The following ASH1L variants were observed in gnomAD, a reference collection of about 807,000 sequenced individuals.
ASH1L encodes the protein histone-lysine N-methyltransferase ASH1L.
A neutral mutation model predicts 269.0 loss-of-function variants in ASH1L; 23 were observed. The observed-to-expected ratio is 0.09, with a 90% confidence interval of 0.06 to 0.12. The LOEUF (loss-of-function observed/expected upper bound fraction) is 0.12. ASH1L is among the 10% of genes least tolerant of loss of function. The pLI, the probability that ASH1L is intolerant of heterozygous loss-of-function variation, is 1.00. For synonymous variants in ASH1L, 1,187 were observed against 1,253.5 expected, an observed-to-expected ratio of 0.95 and a Z score of 1.12; for missense variants, 2,912 against 3,567.8, an observed-to-expected ratio of 0.82 and a Z score of 4.68.
chr1:155,494,932 AAGAGAGAG>A (rs139398189), intron 2 of ASH1L, among the ~76,000 whole-genome samples: 8 of 149,470 alleles, frequency 5.4e-5, no homozygotes, highest in South Asian at 2.1e-4. Context: ...AATAAGGAAA[AAGAGAGAG>A]AGAGAGAGAG....
rs1336130226 is a variant in ASH1L at position 155,354,522 on chromosome 1, T to C, written c.7164A>G (p.Leu2388=). 2 of 1,613,844 alleles carry C rather than the reference T, an allele frequency of 1.2e-6. No individual in the cohort carries two copies. The highest frequency in any genetic ancestry group is 4.5e-5 in the East Asian group (2 of 44,898). ...GGCAGATCCCATTCCAACGGGTATA[T>C]AATGATGCTGAGTGAATATTATCAC... is the stretch of plus-strand genomic sequence containing the variant. ...HTSDNIHSAS[L]YTRWNGICRD... is the part of the protein sequence containing the mutation. The change falls in exon 16 of 28, where the codon TTA becomes TTG. Residue 2388 remains leucine (L), a synonymous_variant. Coordinates refer to ENST00000392403, the MANE Select transcript of ASH1L (RefSeq NM_018489.3).
intron 3 of ASH1L, among the ~76,000 whole-genome samples, chr1:155,471,195 CA>C (rs969036457): frequency 2.0e-5 from 3 of 152,118 alleles, no homozygotes; most frequent in Non-Finnish European, 2.9e-5. Context: ...GAACAATTAA[CA>C]AAAGAATTTA....
At chr1:155,453,892 G>A (rs565348493) in intron 4 of ASH1L, among the ~76,000 whole-genome samples, 2 of 152,276 alleles carry the variant, frequency 1.3e-5, no homozygotes, top group Admixed American at 1.3e-4. Flanking sequence ...CACGAGGTCA[G>A]GAGATCCAGA....
At chr1:155,525,313 T>A (rs776988476) in intron 1 of ASH1L, among the ~76,000 whole-genome samples, 30 of 152,022 alleles carry the variant, frequency 2.0e-4, no homozygotes, top group Non-Finnish European at 2.9e-5. Flanking sequence ...ATCTTCTCCA[T>A]GATGGGCTCA....
In ASH1L at chr1:155,420,363, C is replaced by CAA. The variant is rs781669260; in HGVS notation, c.5829-4442_5829-4441dup. On this transcript the variant is annotated intron_variant, in intron 5 of 27. Coordinates refer to ENST00000392403, the MANE Select transcript of ASH1L (RefSeq NM_018489.3). ...TGGGCAACAGAATGAGACTCCATCT[C>CAA]AAAAAAAAAAAAAAACAAAAACAAA... Among the ~76,000 whole-genome samples the CAA allele has an allele frequency of 3.5e-3, 160 of 45,202 alleles. 1 individual carries two copies. Among genetic ancestry groups the CAA allele is most frequent in the African/African-American group, 9.1e-3 (113 of 12,352 alleles). 29.7% of individuals were successfully genotyped at this position (45,202 alleles called of 152,430 possible).
chr1:155,439,937 C>T (rs930089625), intron 4 of ASH1L, among the ~76,000 whole-genome samples: 4 of 151,074 alleles, frequency 2.6e-5, no homozygotes, highest in African/African-American at 9.7e-5. Flanking sequence ...TATCCAATAG[C>T]CTTGTCTAAA....
chr1:155,363,445 T>C (rs533332151), intron 12 of ASH1L, among the ~76,000 whole-genome samples: 24 of 151,074 alleles, frequency 1.6e-4, no homozygotes, highest in African/African-American at 4.6e-4. Context: ...GGTTTAGCCA[T>C]GTTGCCCAGG....
intron 7 of ASH1L, among the ~76,000 whole-genome samples, chr1:155,393,292 A>G (rs1658095523): frequency 6.6e-6 from 1 of 151,914 alleles, no homozygotes. Flanking sequence ...TGATTAAAAA[A>G]CTCTGCTGGT....
intron 25 of ASH1L, among the ~76,000 whole-genome samples, chr1:155,340,579 A>G (rs1348507091): frequency 6.6e-6 from 1 of 152,144 alleles, no homozygotes; most frequent in Non-Finnish European, 1.5e-5. Flanking sequence ...CCAGGGTTTT[A>G]TTAGAGCAAA....
chr1:155,339,214 GCAGAGAATACCCAGT>G (rs1274993921), intron 26 of ASH1L, 99 bp downstream of exon 26: 2 of 932,156 alleles, frequency 2.1e-6, no homozygotes, highest in Non-Finnish European at 1.7e-6. Context: ...GGGCTACTCT[GCAGAGAATACCCAGT>G]CCTAGAAGTG....
chr1:155,370,574 T>C lies in ASH1L; in HGVS notation c.6616A>G (p.Ser2206Gly), dbSNP rs1655855203. ...CGGGCCTCATTTCCCATGCGGTAAC[T>C]GTCAATCACCATCCCACTATCCAGG... Reference protein sequence around the residue: ...LNLDSGMVIDSYRMGNEARFI... With the variant: ...LNLDSGMVIDGYRMGNEARFI... Residue 2206 changes from serine (S) to glycine (G), a missense_variant, in exon 12 of 28, where the codon AGT becomes GGT. By Grantham distance (56) the Ser-to-Gly change is moderately conservative (BLOSUM62 0). Transcript: ENST00000392403. The C allele has an allele frequency of 6.2e-7, 1 of 1,614,098 alleles. No homozygotes were observed. The highest frequency in any genetic ancestry group is 8.5e-7 in the Non-Finnish European group (1 of 1,180,058).
At chr1:155,454,261 C>T (rs1159529412) in intron 4 of ASH1L, among the ~76,000 whole-genome samples, 2 of 152,062 alleles carry the variant, frequency 1.3e-5, no homozygotes, top group East Asian at 1.9e-4. Context: ...TATGTAACTT[C>T]CACAAGGTTA....
chr1:155,486,630 G>A (rs1666345327), intron 2 of ASH1L, among the ~76,000 whole-genome samples: 1 of 152,046 alleles, frequency 6.6e-6, no homozygotes, highest in African/African-American at 2.4e-5. Flanking sequence ...CTGCATGCCT[G>A]TATCAAAACA....
At chr1:155,502,517 T>C (rs1383217580) in intron 2 of ASH1L, among the ~76,000 whole-genome samples, 1 of 152,228 alleles carries the variant, frequency 6.6e-6, no homozygotes, top group African/African-American at 2.4e-5. Flanking sequence ...GAACTGTTTT[T>C]AAAGCATTTT....
At chr1:155,367,457 T>C (rs1655536318) in intron 12 of ASH1L, among the ~76,000 whole-genome samples, 1 of 152,222 alleles carries the variant, frequency 6.6e-6, no homozygotes, top group Non-Finnish European at 1.5e-5. Flanking sequence ...CTGCGAATAA[T>C]GGTAGTTAAA....
chr1:155,336,503 G>C lies in ASH1L; in HGVS notation c.*1157C>G, dbSNP rs1368196411. 1 of 152,206 alleles carries C rather than the reference G, an allele frequency of 6.6e-6. No homozygotes were observed. The highest frequency in any genetic ancestry group is 2.4e-5 in the African/African-American group (1 of 41,242). The allele number at this position is 152,206 out of a possible 1,614,324, so 9.4% of individuals were successfully genotyped here. ...TATGTATGTCTGAAAAGACAACAAA[G>C]CTTTTTAAATTTTATTTTTAAAGAG... On this transcript the variant is annotated 3_prime_UTR_variant, in exon 28 of 28. Coordinates refer to ENST00000392403, the MANE Select transcript of ASH1L (RefSeq NM_018489.3).
At chr1:155,483,208 G>A (rs963522135) in intron 2 of ASH1L, among the ~76,000 whole-genome samples, 1 of 152,052 alleles carries the variant, frequency 6.6e-6, no homozygotes, top group Non-Finnish European at 1.5e-5. Context: ...AAAATACTCA[G>A]AACTGAACAA....
intron 5 of ASH1L, among the ~76,000 whole-genome samples, chr1:155,421,317 G>T (rs1490463651): frequency 1.5e-4 from 13 of 85,884 alleles, no homozygotes; most frequent in Admixed American, 5.6e-4. Flanking sequence ...AGTACCAACA[G>T]TTTTTTTTTT....
chr1:155,401,188 C>T (rs530787081), intron 6 of ASH1L, among the ~76,000 whole-genome samples: 6 of 150,242 alleles, frequency 4.0e-5, no homozygotes, highest in African/African-American at 9.8e-5. Flanking sequence ...TAAAAAAGAT[C>T]GCCGGTGGCC....
Sources: gnomAD v4.1 joint callset for allele counts (sites outside exome capture counted in the v4.1 genomes callset) on GRCh38, gnomAD v4.1.1 for gene constraint, MANE v1.5 for transcripts, NCBI Gene and HGNC (gene_info 2026-07-23, HGNC 2026-07-21) for gene names.